CAPRIN2: variants seen among roughly 807,000 people sequenced by gnomAD.
CAPRIN2 encodes caprin-2.
In CAPRIN2, 66 loss-of-function variants were observed where a neutral mutation model predicts 130.4. The ratio of observed to expected loss-of-function variants is 0.51; its 90% CI spans 0.42 to 0.62. The LOEUF is 0.62. CAPRIN2 is among the 20% of genes least tolerant of loss of function. The pLI is 0.00. For missense variants in CAPRIN2, 1,185 were observed against 1,246.6 expected, an observed-to-expected ratio of 0.95 and a Z score of 0.74; for synonymous variants, 471 against 444.1, an observed-to-expected ratio of 1.06 and a Z score of -0.76.
At chr12:30,744,666 A>G (rs1305496003) in intron 2 of CAPRIN2, among the ~76,000 whole-genome samples, 1 of 152,136 alleles carries the variant, frequency 6.6e-6, no homozygotes, top group African/African-American at 2.4e-5. Flanking sequence ...CCTGCATTAC[A>G]ATCCCTTATC....
intron 2 of CAPRIN2, among the ~76,000 whole-genome samples, chr12:30,747,114 C>T (rs1162548917): frequency 6.6e-6 from 1 of 152,214 alleles, no homozygotes; most frequent in Non-Finnish European, 1.5e-5. Context: ...GCTAAATCTA[C>T]TCTGTGTTTT....
At chr12:30,721,480 T>C (rs2059387273) in intron 11 of CAPRIN2, among the ~76,000 whole-genome samples, 2 of 152,096 alleles carry the variant, frequency 1.3e-5, no homozygotes, top group Admixed American at 6.6e-5. Flanking sequence ...ATCAAGCTGA[T>C]AGCATATGTA....
intron 9 of CAPRIN2, among the ~76,000 whole-genome samples, chr12:30,725,208 G>A (rs984388030): frequency 1.3e-5 from 2 of 152,136 alleles, no homozygotes; most frequent in Non-Finnish European, 2.9e-5. Flanking sequence ...TCACGCTCTT[G>A]TATCTGCCTA....
intron 3 of CAPRIN2, among the ~76,000 whole-genome samples, chr12:30,738,966 T>A (rs2066087684): frequency 6.6e-6 from 1 of 152,212 alleles, no homozygotes; most frequent in African/African-American, 2.4e-5. Flanking sequence ...GAGTGTAAAT[T>A]AGGTCAACCA....
At chr12:30,731,666 T>C (rs148663868) in intron 5 of CAPRIN2, among the ~76,000 whole-genome samples, 156 bp from the exon 7 acceptor site, 3 of 152,238 alleles carry the variant, frequency 2.0e-5, no homozygotes, top group Admixed American at 2.0e-4. Flanking sequence ...CAGTTTACAC[T>C]TTCATGGTAC....
intron 3 of CAPRIN2, among the ~76,000 whole-genome samples, chr12:30,740,050 T>G (rs1452711614): frequency 1.3e-5 from 2 of 152,160 alleles, no homozygotes; most frequent in Non-Finnish European, 2.9e-5. Flanking sequence ...GGTAAATGTC[T>G]CCAGCCTAGA....
chr12:30,749,489 A>G (rs2139771738), intron 2 of CAPRIN2, among the ~76,000 whole-genome samples: 2 of 152,332 alleles, frequency 1.3e-5, no homozygotes, highest in Middle Eastern at 6.8e-3. Flanking sequence ...CGCAGATGAA[A>G]GGTTATATAG....
exon 13 of CAPRIN2, chr12:30,716,544 T>C (rs750981136): frequency 1.2e-6 from 2 of 1,613,970 alleles, no homozygotes; most frequent in African/African-American, 1.3e-5. Context: ...TCTACATGTA[T>C]AGATGGCAGT....
intron 9 of CAPRIN2, among the ~76,000 whole-genome samples, chr12:30,725,368 T>C (rs1415535390): frequency 6.6e-6 from 1 of 152,234 alleles, no homozygotes; most frequent in African/African-American, 2.4e-5. Flanking sequence ...AATAAACAGC[T>C]GGTAAGTAAC....
rs775373364 is a variant in CAPRIN2 at position 30,710,411 on chromosome 12, T to C, written c.2725A>G (p.Ser909Gly). The change falls in exon 17 of 17, where the codon AGT becomes GGT. Residue 909 changes from serine (S) to glycine (G), a missense_variant. Transcript: ENST00000298892. This position sits in a 1 kb window ranked among gnomAD's most constrained non-coding sequence, Gnocchi z 4.8. Reference sequence around the variant, plus strand: ...GAGTCTCCTTGTCCAGAGTCACCACTGTTAAAGGTTTCGTTGTCTCTTTCT... The same window carrying C: ...GAGTCTCCTTGTCCAGAGTCACCACCGTTAAAGGTTTCGTTGTCTCTTTCT... The C allele has an allele frequency of 1.2e-6, 2 of 1,614,172 alleles. No homozygotes were observed. The highest frequency in any genetic ancestry group is 1.1e-5 in the South Asian group (1 of 91,088).
intron 6 of CAPRIN2, among the ~76,000 whole-genome samples, chr12:30,730,917 T>C (rs1004951383): frequency 6.6e-6 from 1 of 152,174 alleles, no homozygotes; most frequent in Non-Finnish European, 1.5e-5. Context: ...TAAAAGTATA[T>C]TTTCTTTACT....
At chr12:30,728,339 G>T in intron 8 of CAPRIN2, 1 of 226,280 alleles carries the variant, frequency 4.4e-6, no homozygotes, top group Non-Finnish European at 8.7e-6. Flanking sequence ...TGGATCACGA[G>T]ATCAGGAGAT....
At chr12:30,749,969 C>A (rs933799538) in intron 2 of CAPRIN2, among the ~76,000 whole-genome samples, 1 of 152,134 alleles carries the variant, frequency 6.6e-6, no homozygotes, top group Non-Finnish European at 1.5e-5. Context: ...CCCCTCTCCC[C>A]GATGTTTCTT....
rs140927668 is a variant in CAPRIN2, at chr12:30,729,491, T to C, written c.1105-166A>G. Among the ~76,000 whole-genome samples, 19 of 152,328 alleles carry C rather than the reference T, an allele frequency of 1.2e-4. No homozygotes were observed. The East Asian group carries it at 3.3e-3, about 26-fold the overall frequency. ...AGACTTTCCTACTTCTCTTTCCTACTTTCCTACTTTTCTGTCCATTCCTTT... is the reference window on the plus strand; with the variant it reads ...AGACTTTCCTACTTCTCTTTCCTACCTTCCTACTTTTCTGTCCATTCCTTT... On this transcript the variant is annotated intron_variant, in intron 7 of 16. Transcript: ENST00000298892.
At chr12:30,729,120 A>G in exon 8 of CAPRIN2, 1 of 1,614,000 alleles carries the variant, frequency 6.2e-7, no homozygotes, top group South Asian at 1.1e-5. Context: ...TTCTAAGGAA[A>G]CTGCAGGCTT....
chr12:30,712,682 A>C (rs530120117), intron 15 of CAPRIN2, among the ~76,000 whole-genome samples: 206 of 151,354 alleles, frequency 1.4e-3, no homozygotes, highest in Non-Finnish European at 1.9e-3. Flanking sequence ...AAGAGAAGTG[A>C]TAAATGAGGG....
chr12:30,733,718 A>G lies in CAPRIN2; in HGVS notation c.810-7T>C. On this transcript the variant is annotated splice_region_variant and splice_polypyrimidine_tract_variant and intron_variant, in intron 4 of 16. Coordinates refer to ENST00000298892, the Ensembl canonical transcript of CAPRIN2. Reference sequence around the variant, plus strand: ...CTCCATCTGGTCTTCAACACTGACAAGGAAAAGCAGCAGCAGAACAAAGTG... The same window carrying G: ...CTCCATCTGGTCTTCAACACTGACAGGGAAAAGCAGCAGCAGAACAAAGTG... 6.2e-7 allele frequency: 1 copy of G among 1,609,464 alleles called. No homozygotes were observed.
intron 3 of CAPRIN2, among the ~76,000 whole-genome samples, chr12:30,740,104 T>A (rs926121283): frequency 6.6e-6 from 1 of 151,976 alleles, no homozygotes; most frequent in Admixed American, 6.6e-5. Flanking sequence ...AGAATTTTAG[T>A]TCACTATAAA....
chr12:30,726,419 C>T lies in CAPRIN2; in HGVS notation c.1783-331G>A, dbSNP rs1388544551. On this transcript the variant is annotated intron_variant, in intron 8 of 16. Transcript: ENST00000298892. ...AGATGCCACTGACAATAAGACATAC[C>T]AATGATTTTTTTTTCCAGGGCAAAA... 2.2e-5 allele frequency among the ~76,000 whole-genome samples: 3 copies of T among 138,930 alleles called. No individual in the cohort carries two copies. In the East Asian group the frequency reaches 6.4e-4, roughly 30 times the overall value. 91.1% of individuals were successfully genotyped at this position (138,930 alleles called of 152,430 possible). A position where few individuals can be genotyped will look rare whatever the true frequency, so the allele number is the denominator to read the frequency against.
Sources: gnomAD v4.1 joint callset for allele counts (sites outside exome capture counted in the v4.1 genomes callset) on GRCh38, gnomAD v4.1.1 for gene constraint, Gnocchi (gnomAD v3.1) non-coding constraint, MANE v1.5 for transcripts, NCBI Gene and HGNC (gene_info 2026-07-23, HGNC 2026-07-21) for gene names.